ABTB3: variants seen among roughly 807,000 people sequenced by gnomAD.
The protein encoded by ABTB3 is ankyrin repeat and BTB domain containing 3, also known as ankyrin repeat- and BTB/POZ domain-containing protein 3.
chr12:107,442,994 G>T, the ABTB3 span, among the ~76,000 whole-genome samples: 1 of 152,252 alleles, frequency 6.6e-6, no homozygotes, highest in East Asian at 1.9e-4. Context: ...GTCCCCTATG[G>T]TGCAAGGGGC....
the ABTB3 span, among the ~76,000 whole-genome samples, chr12:107,573,464 CGATGGATGGATGGATG>C: frequency 2.9e-5 from 4 of 139,618 alleles, no homozygotes; most frequent in Non-Finnish European, 4.8e-5. Flanking sequence ...GTGGATGAAT[CGATGGATGGATGGATG>C]GATGGATGGA....
chr12:107,331,978 T>A, the ABTB3 span, among the ~76,000 whole-genome samples: 3 of 152,172 alleles, frequency 2.0e-5, no homozygotes, highest in Non-Finnish European at 2.9e-5. Flanking sequence ...GCATGAGAGC[T>A]ATGGATTAAG....
the ABTB3 span, among the ~76,000 whole-genome samples, chr12:107,459,152 G>A: frequency 6.6e-6 from 1 of 152,210 alleles, no homozygotes; most frequent in East Asian, 1.9e-4. Context: ...ACCCTATGGA[G>A]TAGGCACTGT....
chr12:107,441,473 G>A, the ABTB3 span, among the ~76,000 whole-genome samples: 1,203 of 152,206 alleles, frequency 7.9e-3, 17 homozygotes, highest in African/African-American at 0.026. Flanking sequence ...GATGTGGTGT[G>A]GGGAGGAGAG....
At chr12:107,458,858 T>C in the ABTB3 span, among the ~76,000 whole-genome samples, 1 of 152,242 alleles carries the variant, frequency 6.6e-6, no homozygotes, top group African/African-American at 2.4e-5. Context: ...AATGAGGCCC[T>C]TCTCCTTTAT....
At chr12:107,442,789 C>T in the ABTB3 span, among the ~76,000 whole-genome samples, 1 of 152,196 alleles carries the variant, frequency 6.6e-6, no homozygotes, top group Middle Eastern at 3.2e-3. Flanking sequence ...AATCTTCTTT[C>T]CCAGACTTGG....
the ABTB3 span, among the ~76,000 whole-genome samples, chr12:107,375,435 AT>A: frequency 6.6e-6 from 1 of 151,102 alleles, no homozygotes; most frequent in Non-Finnish European, 1.5e-5. Context: ...CATCATCATC[AT>A]CATCATCATC....
chr12:107,520,177 C>T, the ABTB3 span: 2 of 980,772 alleles, frequency 2.0e-6, no homozygotes, highest in South Asian at 9.4e-5. Flanking sequence ...GAAGTCACAT[C>T]TAGGAGTGGA....
chr12:107,519,194 G>A, the ABTB3 span, among the ~76,000 whole-genome samples: 2 of 152,158 alleles, frequency 1.3e-5, no homozygotes, highest in African/African-American at 4.8e-5. Context: ...CTGCAGGCCG[G>A]TTCTGGATCT....
At chr12:107,530,115 A>C in the ABTB3 span, among the ~76,000 whole-genome samples, 1 of 152,292 alleles carries the variant, frequency 6.6e-6, no homozygotes, top group Non-Finnish European at 1.5e-5. Context: ...CAAGAACAGA[A>C]GAAGGGAACC....
At chr12:107,507,960 C>T in the ABTB3 span, among the ~76,000 whole-genome samples, 2 of 152,226 alleles carry the variant, frequency 1.3e-5, no homozygotes, top group African/African-American at 4.8e-5. Context: ...AACATTGTAC[C>T]TATTCCACTA....
the ABTB3 span, among the ~76,000 whole-genome samples, chr12:107,359,255 G>T: frequency 6.6e-6 from 1 of 152,240 alleles, no homozygotes; most frequent in Non-Finnish European, 1.5e-5. Flanking sequence ...GACTGTCAGG[G>T]TGGAGAGACC....
chr12:107,352,797 G>A, the ABTB3 span, among the ~76,000 whole-genome samples: 1 of 152,142 alleles, frequency 6.6e-6, no homozygotes, highest in South Asian at 2.1e-4. Flanking sequence ...GAAGAGATGG[G>A]GGGTACCTGG....
chr12:107,519,554 G>A, the ABTB3 span, among the ~76,000 whole-genome samples: 46 of 152,246 alleles, frequency 3.0e-4, no homozygotes, highest in Non-Finnish European at 2.9e-4. Flanking sequence ...CTGACCTCAG[G>A]TGATCTGCCT....
At chr12:107,574,627 CAGG>C in the ABTB3 span, among the ~76,000 whole-genome samples, 4 of 152,170 alleles carry the variant, frequency 2.6e-5, no homozygotes, top group Admixed American at 1.3e-4. Flanking sequence ...GAGGCTGAGG[CAGG>C]AGAATTGCTT....
At chr12:107,527,826 G>A in the ABTB3 span, among the ~76,000 whole-genome samples, 6 of 151,824 alleles carry the variant, frequency 4.0e-5, no homozygotes, top group South Asian at 2.1e-4. Flanking sequence ...TGTTTCTTTC[G>A]CTTTTTCTCA....
At chr12:107,360,946 T>TTC in the ABTB3 span, among the ~76,000 whole-genome samples, 71 of 141,828 alleles carry the variant, frequency 5.0e-4, 2 homozygotes, top group South Asian at 9.2e-4. Context: ...TTTTTTTTTT[T>TTC]TTTTTTGTAG....
At chr12:107,658,585 A>C in the ABTB3 span, 4 of 152,634 alleles carry the variant, frequency 2.6e-5, no homozygotes, top group African/African-American at 9.7e-5. Flanking sequence ...GAACCTGTGA[A>C]ATGTTACGTT....
the ABTB3 span, among the ~76,000 whole-genome samples, chr12:107,632,889 C>T: frequency 1.3e-5 from 2 of 152,348 alleles, no homozygotes; most frequent in African/African-American, 2.4e-5. Context: ...CCTGAGTCCC[C>T]TCACGAGCTT....
Sources: gnomAD v4.1 joint callset for allele counts (sites outside exome capture counted in the v4.1 genomes callset) on GRCh38, gnomAD v4.1.1 for gene constraint, MANE v1.5 for transcripts, NCBI Gene and HGNC (gene_info 2026-07-23, HGNC 2026-07-21) for gene names.